The following FOCAD variants were observed in gnomAD, a reference collection of about 807,000 sequenced individuals.
FOCAD encodes focadhesin, also known as KIAA1797.
FOCAD carries 198 observed loss-of-function variants against 225.6 expected under a neutral mutation model. That is an observed-to-expected ratio of 0.88 (90% confidence interval 0.78 to 0.99). The LOEUF is 0.99. Ranked by LOEUF, FOCAD falls within the 50% of genes least tolerant of loss-of-function variation. FOCAD has a pLI of 0.00. For synonymous variants in FOCAD, 897 were observed against 755.0 expected, an observed-to-expected ratio of 1.19 and a Z score of -3.08; for missense variants, 2,713 against 2,123.6, an observed-to-expected ratio of 1.28 and a Z score of -5.46.
chr9:20,691,715 C>T (rs978508655), intron 1 of FOCAD, among the ~76,000 whole-genome samples: 1 of 151,206 alleles, frequency 6.6e-6, no homozygotes, highest in Non-Finnish European at 1.5e-5. Flanking sequence ...TTCCTAACCT[C>T]GTGATCTGCC....
intron 21 of FOCAD, among the ~76,000 whole-genome samples, chr9:20,900,527 A>T (rs920495382): frequency 2.0e-5 from 3 of 151,876 alleles, no homozygotes; most frequent in Non-Finnish European, 4.4e-5. Context: ...AAAATATAAG[A>T]AGTGTATTTG....
chr9:20,948,706 T>C (rs1370747769), intron 31 of FOCAD, 145 bp from the exon 32 acceptor site: 13 of 792,312 alleles, frequency 1.6e-5, no homozygotes, highest in Non-Finnish European at 4.0e-6. Flanking sequence ...TCTGCTGCCA[T>C]TTTTGGTTCA....
chr9:20,946,901 G>C, intron 30 of FOCAD, 81 bp downstream of exon 30: 1 of 1,530,502 alleles, frequency 6.5e-7, no homozygotes, highest in Non-Finnish European at 8.9e-7. Flanking sequence ...CTCTGAATTA[G>C]AGTATAATGG....
chr9:20,947,244 T>A (rs973897884), intron 30 of FOCAD, among the ~76,000 whole-genome samples: 1 of 152,186 alleles, frequency 6.6e-6, no homozygotes, highest in African/African-American at 2.4e-5. Flanking sequence ...CAAATATGTA[T>A]AAGAAAATTT....
intron 1 of FOCAD, among the ~76,000 whole-genome samples, chr9:20,715,001 G>C (rs1025562435): frequency 2.0e-5 from 3 of 152,104 alleles, no homozygotes; most frequent in African/African-American, 7.2e-5. Context: ...ATCCACAAAA[G>C]AATTAATTTC....
chr9:20,822,849 A>G, intron 14 of FOCAD, 140 bp from the exon 15 acceptor site: 1 of 599,498 alleles, frequency 1.7e-6, no homozygotes, highest in Non-Finnish European at 2.5e-6. Context: ...AAGAAAAAAC[A>G]TGGTGTTAAT....
intron 5 of FOCAD, among the ~76,000 whole-genome samples, chr9:20,742,985 G>A (rs1416045887): frequency 2.0e-5 from 3 of 152,204 alleles, no homozygotes; most frequent in East Asian, 1.9e-4. Flanking sequence ...TCAGTAGAGA[G>A]TAATTGAGTG....
At chr9:20,968,621 T>C (rs1839486269) in intron 35 of FOCAD, among the ~76,000 whole-genome samples, 1 of 151,836 alleles carries the variant, frequency 6.6e-6, no homozygotes, top group African/African-American at 2.4e-5. Context: ...TTTGTATTTT[T>C]AGTAGAGATG....
At chr9:20,894,534 G>A (rs1279768643) in intron 21 of FOCAD, among the ~76,000 whole-genome samples, 3 of 151,918 alleles carry the variant, frequency 2.0e-5, no homozygotes. Flanking sequence ...GTTGTGGTCT[G>A]GATTTTGGCC....
intron 15 of FOCAD, among the ~76,000 whole-genome samples, chr9:20,852,020 A>C (rs1442105281): frequency 1.3e-5 from 2 of 151,790 alleles, no homozygotes; most frequent in Non-Finnish European, 2.9e-5. Flanking sequence ...GCCCTGTCCT[A>C]GCTGGTGATA....
At chr9:20,664,944 G>C (rs1821852999) in intron 2 of FOCAD, among the ~76,000 whole-genome samples, 2 of 119,948 alleles carry the variant, frequency 1.7e-5, no homozygotes, top group Non-Finnish European at 3.6e-5. Flanking sequence ...GTTATACATA[G>C]TGGAAAACAC....
chr9:20,991,765 A>G (rs1841690662), intron 42 of FOCAD, among the ~76,000 whole-genome samples: 1 of 143,586 alleles, frequency 7.0e-6, no homozygotes, highest in South Asian at 2.2e-4. Flanking sequence ...GTGAGTCGCA[A>G]TCCCTCCGCT....
In FOCAD at chr9:20,867,003, G is replaced by A; in HGVS notation, c.2181G>A (p.Leu727=). 1 of 1,518,798 alleles carries A rather than the reference G, an allele frequency of 6.6e-7. No individual in the cohort carries two copies. The highest frequency in any genetic ancestry group is 8.9e-7 in the Non-Finnish European group (1 of 1,125,970). 94.1% of individuals were successfully genotyped at this position (1,518,798 alleles called of 1,614,324 possible). Residue 727 remains leucine (L), a synonymous_variant, in exon 18 of 44, where the codon CTG becomes CTA. Transcript: ENST00000338382. ...FSAGEHTILH[L]PEKIRPEIPI... Reference sequence around the variant, plus strand: ...CAGGAGAACACACCATTCTTCATCTGCCTGAAAAGGTAGGCATATCTGCTT... The same window carrying A: ...CAGGAGAACACACCATTCTTCATCTACCTGAAAAGGTAGGCATATCTGCTT...
chr9:20,866,204 A>G (rs1312384634), intron 17 of FOCAD, among the ~76,000 whole-genome samples: 6 of 152,026 alleles, frequency 3.9e-5, no homozygotes, highest in Non-Finnish European at 8.8e-5. Flanking sequence ...GGTGAATCTG[A>G]CAGATGGGAA....
rs759036139 is a variant in FOCAD at position 20,982,436 on chromosome 9, A to C, written c.4718A>C (p.Gln1573Pro). The C allele has an allele frequency of 6.2e-7, 1 of 1,612,848 alleles. No individual in the cohort carries two copies. Residue 1573 changes from glutamine to proline, a missense_variant, in exon 39 of 44, where the codon CAG (glutamine) becomes CCG (proline). Gln to Pro is a moderately conservative substitution (Grantham distance 76). Transcript: ENST00000338382. ...GATGATGATGCCAATCGGATCGCCCAGGTTACTAAGGTAATAACATATCTT... is the reference window on the plus strand; with the variant it reads ...GATGATGATGCCAATCGGATCGCCCCGGTTACTAAGGTAATAACATATCTT... ...MTDDDANRIA[Q>P]VTKSNIEKAA...
rs574857597 is a variant in FOCAD at position 20,738,190 on chromosome 9, G to A, written c.288-2046G>A. Among the ~76,000 whole-genome samples, 4 of 152,338 alleles carry A rather than the reference G, an allele frequency of 2.6e-5. No homozygotes were observed. In the South Asian group the frequency reaches 8.3e-4, roughly 32 times the overall value. On this transcript the variant is annotated intron_variant, in intron 4 of 43. Coordinates refer to ENST00000338382, the MANE Select transcript of FOCAD (RefSeq NM_001375567.1). Reference sequence around the variant, plus strand: ...CTAGAAATTCAGTGTCAATAGAGAAGTTTCTCAGAAGAATGTGAACAGTTC... The same window carrying A: ...CTAGAAATTCAGTGTCAATAGAGAAATTTCTCAGAAGAATGTGAACAGTTC...
At chr9:20,860,496 C>G (rs537808870) in intron 15 of FOCAD, among the ~76,000 whole-genome samples, 37 of 152,196 alleles carry the variant, frequency 2.4e-4, no homozygotes, top group Non-Finnish European at 4.3e-4. Context: ...GCCTTTGTCC[C>G]TGTTATGCAC....
At chr9:20,907,784 C>T (rs1289983501) in intron 22 of FOCAD, among the ~76,000 whole-genome samples, 2 of 152,090 alleles carry the variant, frequency 1.3e-5, no homozygotes, top group Admixed American at 6.6e-5. Flanking sequence ...TCTTTACCCA[C>T]CTAATTTCTA....
At chr9:20,677,279 G>T (rs1032990335) in intron 2 of FOCAD, among the ~76,000 whole-genome samples, 3 of 152,132 alleles carry the variant, frequency 2.0e-5, no homozygotes, top group African/African-American at 7.2e-5. Flanking sequence ...TAGAAGCAAA[G>T]ATAGGAAGAA....
Sources: allele counts gnomAD v4.1 joint callset (sites outside exome capture counted in the v4.1 genomes callset), GRCh38; gene constraint gnomAD v4.1.1; transcripts MANE v1.5; gene names NCBI Gene and HGNC (gene_info 2026-07-23, HGNC 2026-07-21).